Variants in MACROD1 observed in about 807,000 individuals in gnomAD.
MACROD1 encodes the protein ADP-ribose glycohydrolase MACROD1.
Under a neutral mutation model 41.4 loss-of-function variants are expected in MACROD1, and 31 were observed. That is an observed-to-expected ratio of 0.75 (90% CI 0.56 to 1.01). MACROD1 has a LOEUF of 1.01. Ranked by LOEUF, MACROD1 falls within the 50% of genes least tolerant of loss-of-function variation. MACROD1 has a pLI of 0.00. For missense variants in MACROD1, 473 were observed against 460.0 expected (o/e 1.03, Z -0.26); for synonymous variants, 252 against 203.4 (o/e 1.24, Z -2.03).
rs543314166 is a variant in MACROD1 at position 64,083,842 on chromosome 11, G to A, written c.517+67397C>T. 2.6e-5 allele frequency among the ~76,000 whole-genome samples: 4 copies of A among 152,342 alleles called. No individual in the cohort carries two copies. In the South Asian group the frequency reaches 8.3e-4, roughly 32 times the overall value. ...ATCAACAGACCGACGGATCTGCCAG[G>A]GCCGGTGAGGGGCGCTGACCTGGGG... On this transcript the variant is annotated intron_variant, in intron 3 of 10. Transcript: ENST00000255681.
At chr11:64,164,913 C>G (rs1289545805) in intron 1 of MACROD1, among the ~76,000 whole-genome samples, 2 of 150,980 alleles carry the variant, frequency 1.3e-5, no homozygotes, top group African/African-American at 4.8e-5. Flanking sequence ...TGGGTTCTCT[C>G]TCTCCCCAGG....
intron 4 of MACROD1, among the ~76,000 whole-genome samples, chr11:64,006,232 C>T (rs1001549938): frequency 2.6e-5 from 4 of 152,250 alleles, no homozygotes. Flanking sequence ...GCCCACTCCT[C>T]ATTCTCCACC....
rs762389645 is a variant in MACROD1, at chr11:64,165,762, C to A, written c.233G>T (p.Trp78Leu). 6.7e-7 allele frequency: 1 copy of A among 1,499,294 alleles called. No homozygotes were observed. The allele number at this position is 1,499,294 out of a possible 1,614,324, so 92.9% of individuals were successfully genotyped here. A position where few individuals can be genotyped will look rare whatever the true frequency, so the allele number is the denominator to read the frequency against. ...CTTCGCCGCCATGGCCAGGGGGGCC[C>A]AAGTGCGCACCCCGGCTGTCCGCCC... Reference protein sequence around the residue: ...AVGRTAGVRTWAPLAMAAKVD... With the variant: ...AVGRTAGVRTLAPLAMAAKVD... Residue 78 changes from tryptophan to leucine, a missense_variant, in exon 1 of 11, where the codon TGG becomes TTG. Coordinates refer to ENST00000255681, the MANE Select transcript of MACROD1 (RefSeq NM_014067.4).
intron 3 of MACROD1, among the ~76,000 whole-genome samples, chr11:64,049,843 G>A (rs1265677822): frequency 6.6e-6 from 1 of 152,164 alleles, no homozygotes; most frequent in Non-Finnish European, 1.5e-5. Flanking sequence ...CTGGGGCCTG[G>A]CTGAGCTGTG....
intron 3 of MACROD1, among the ~76,000 whole-genome samples, chr11:64,141,877 G>A (rs1945419054): frequency 6.6e-6 from 1 of 152,176 alleles, no homozygotes; most frequent in Non-Finnish European, 1.5e-5. Flanking sequence ...AGGCCCTTGG[G>A]TTTGTAGTTC....
At chr11:64,012,779 A>T (rs1306941636) in intron 4 of MACROD1, among the ~76,000 whole-genome samples, 1 of 151,816 alleles carries the variant, frequency 6.6e-6, no homozygotes, top group African/African-American at 2.4e-5. Context: ...GAGGTGATCC[A>T]CCTGCCTTGG....
intron 4 of MACROD1, among the ~76,000 whole-genome samples, chr11:64,012,928 C>T (rs543136809): frequency 5.3e-5 from 8 of 152,248 alleles, no homozygotes; most frequent in South Asian, 4.1e-4. Context: ...CTTAACCGCC[C>T]GGGCTCAAGT....
chr11:64,164,903 T>C (rs1224755205), intron 1 of MACROD1, among the ~76,000 whole-genome samples: 1 of 150,356 alleles, frequency 6.7e-6, no homozygotes, highest in Non-Finnish European at 1.5e-5. Flanking sequence ...AGCGGCAGCT[T>C]GGGTTCTCTC....
chr11:64,125,527 G>C (rs148706789), intron 3 of MACROD1, among the ~76,000 whole-genome samples: 70 of 152,350 alleles, frequency 4.6e-4, no homozygotes, highest in African/African-American at 1.6e-3. Flanking sequence ...CCAGGCACGA[G>C]TGTTGGCAAC....
chr11:64,138,458 A>ATGTTCCTGTTTCTCCTCAAC, intron 3 of MACROD1: 1 of 953,846 alleles, frequency 1.0e-6, no homozygotes, highest in South Asian at 4.8e-5. Context: ...GTAGATTTTA[A>ATGTTCCTGTTTCTCCTCAAC]TGTTCCTGTT....
rs117569191 is a variant in MACROD1 at position 64,084,416 on chromosome 11, G to A, written c.517+66823C>T. ...GCTGCCTGAGCTGCCTACCTTTCCC[G>A]CGAAGCCCCCTCCCTGCACTGTGGG... is the stretch of plus-strand genomic sequence containing the variant. On this transcript the variant is annotated intron_variant, in intron 3 of 10. Coordinates refer to ENST00000255681, the MANE Select transcript of MACROD1 (RefSeq NM_014067.4). 4.5e-4 allele frequency among the ~76,000 whole-genome samples: 68 copies of A among 152,186 alleles called. 3 individuals are homozygous for A. In the East Asian group the frequency reaches 0.013, roughly 29 times the overall value.
At position 64,073,755 on chromosome 11, in the gene MACROD1, G is replaced by A. The variant is rs111401277; in HGVS notation, c.518-58474C>T. Among the ~76,000 whole-genome samples, 538 of 152,290 alleles carry A rather than the reference G, an allele frequency of 3.5e-3. 2 individuals carry two copies. The highest frequency in any genetic ancestry group is 0.012 in the African/African-American group (503 of 41,556). Reference sequence around the variant, plus strand: ...CCTTGGGGAGTAAAAGCTGGGCCTCGGCAGGGTAAACACTGGAGCTTCCCA... The same window carrying A: ...CCTTGGGGAGTAAAAGCTGGGCCTCAGCAGGGTAAACACTGGAGCTTCCCA... On this transcript the variant is annotated intron_variant, in intron 3 of 10. Coordinates refer to ENST00000255681, the MANE Select transcript of MACROD1 (RefSeq NM_014067.4).
At chr11:64,130,716 C>T (rs1314902938) in intron 3 of MACROD1, among the ~76,000 whole-genome samples, 1 of 152,204 alleles carries the variant, frequency 6.6e-6, no homozygotes, top group African/African-American at 2.4e-5. Flanking sequence ...TCCCCGCCGC[C>T]GCACCCACGT....
chr11:64,047,172 C>A (rs1006056216), intron 3 of MACROD1, among the ~76,000 whole-genome samples: 12 of 152,178 alleles, frequency 7.9e-5, no homozygotes, highest in Admixed American at 2.0e-4. Flanking sequence ...CTGCCTCCAC[C>A]CACCTGTGGT....
At chr11:63,998,932 G>C in intron 9 of MACROD1, 23 bp downstream of exon 9, 2 of 1,557,326 alleles carry the variant, frequency 1.3e-6, no homozygotes, top group Non-Finnish European at 1.7e-6. Context: ...GGGGCGGGCC[G>C]TGGGGCGGCG....
At chr11:64,108,901 C>T (rs1014709034) in intron 3 of MACROD1, among the ~76,000 whole-genome samples, 4 of 152,204 alleles carry the variant, frequency 2.6e-5, no homozygotes, top group African/African-American at 4.8e-5. Flanking sequence ...CACACCAGTG[C>T]CAGGCCACAT....
chr11:64,018,452 G>A (rs972086707), intron 3 of MACROD1, among the ~76,000 whole-genome samples: 2 of 152,202 alleles, frequency 1.3e-5, no homozygotes, highest in African/African-American at 4.8e-5. Context: ...GCTGTGCAGG[G>A]GAATGGCCCG....
At position 64,031,476 on chromosome 11, in the gene MACROD1, CTT is replaced by C. The variant is rs386373983; in HGVS notation, c.518-16197_518-16196del. ...CCTGCCTGCCTGCCTGCCTGCCTTC[CTT>C]TTTTTTTTTTTTTTTTTGTGACGTA... On this transcript the variant is annotated intron_variant, in intron 3 of 10. Coordinates refer to ENST00000255681, the MANE Select transcript of MACROD1 (RefSeq NM_014067.4). Among the ~76,000 whole-genome samples, 300 of 114,922 alleles carry C rather than the reference CTT, an allele frequency of 2.6e-3. 1 individual carries two copies. The highest frequency in any genetic ancestry group is 0.015 in the Middle Eastern group (3 of 198). The allele number at this position is 114,922 out of a possible 152,430, so 75.4% of individuals were successfully genotyped here. A position where few individuals can be genotyped will look rare whatever the true frequency, so the allele number is the denominator to read the frequency against.
intron 3 of MACROD1, among the ~76,000 whole-genome samples, chr11:64,021,932 C>CGGGGGGGGGGGGGGGGGGGGGG (rs1943158671): frequency 2.0e-4 from 1 of 5,070 alleles, no homozygotes; most frequent in African/African-American, 5.7e-4. Context: ...TGGCAGGGGG[C>CGGGGGGGGGGGGGGGGGGGGGG]CGGGGGGGGG....
Sources: allele counts gnomAD v4.1 joint callset (sites outside exome capture counted in the v4.1 genomes callset), GRCh38; gene constraint gnomAD v4.1.1; transcripts MANE v1.5; gene names NCBI Gene and HGNC (gene_info 2026-07-23, HGNC 2026-07-21).